The following ZNF655 variants were observed in gnomAD, a reference collection of about 807,000 sequenced individuals.
The protein encoded by ZNF655 is zinc finger protein 655, also known as Vav-interacting Kruppel-like protein 1.
ZNF655 carries 3 observed loss-of-function variants against 6.6 expected under a neutral mutation model. The ratio of observed to expected loss-of-function variants is 0.46; its 90% CI spans 0.21 to 1.18. ZNF655 has a LOEUF of 1.18. ZNF655 is among the 50% of genes most tolerant of loss of function. ZNF655 has a pLI of 0.24. For synonymous variants in ZNF655, 178 were observed against 195.0 expected (o/e 0.91, Z 0.73); for missense variants, 526 against 572.3 (o/e 0.92, Z 0.83).
chr7:99,563,211 C>T, intron 2 of ZNF655: 1 of 453,576 alleles, frequency 2.2e-6, no homozygotes, highest in Non-Finnish European at 4.4e-6. Context: ...CTGGGATTAG[C>T]CAAGCTGTAG....
chr7:99,572,017 G>GT (rs1441418841), intron 2 of ZNF655, among the ~76,000 whole-genome samples: 7 of 152,238 alleles, frequency 4.6e-5, no homozygotes, highest in African/African-American at 1.7e-4. Context: ...TCTTTCAGCT[G>GT]TTTCCCTATT....
chr7:99,570,096 A>G (rs975465704), intron 2 of ZNF655: 1 of 152,170 alleles, frequency 6.6e-6, no homozygotes, highest in African/African-American at 2.4e-5. Flanking sequence ...CCCTCATCCC[A>G]CATGAAGACC....
intron 2 of ZNF655, chr7:99,563,916 G>T: frequency 6.2e-7 from 1 of 1,613,450 alleles, no homozygotes; most frequent in African/African-American, 1.3e-5. Context: ...TTCCTGCCCG[G>T]CCCTGAGTCA....
chr7:99,562,027 G>A (rs1803223790), intron 2 of ZNF655: 1 of 1,437,450 alleles, frequency 7.0e-7, no homozygotes, highest in Non-Finnish European at 9.3e-7. Context: ...CTGATGGAGT[G>A]TGGCCTCTCT....
chr7:99,575,570 TACACACAC>T lies in ZNF655; in HGVS notation c.*2000_*2007del, dbSNP rs34577641. 6.7e-6 allele frequency: 1 copy of T among 149,382 alleles called. No homozygotes were observed. Among genetic ancestry groups the T allele is most frequent in the South Asian group, 2.1e-4 (1 of 4,696 alleles). 9.3% of individuals were successfully genotyped at this position (149,382 alleles called of 1,614,324 possible). A position where few individuals can be genotyped will look rare whatever the true frequency, so the allele number is the denominator to read the frequency against. On this transcript the variant is annotated 3_prime_UTR_variant, in exon 3 of 3. Coordinates refer to ENST00000252713, the MANE Select transcript of ZNF655 (RefSeq NM_138494.3). ...ACAAAAAAACAAAAACAAAAAACCATACACACACACACACACACACAAATCAGCATCAT... is the reference window on the plus strand; with the variant it reads ...ACAAAAAAACAAAAACAAAAAACCATACACACACACACAAATCAGCATCAT...
chr7:99,562,848 C>G (rs886198973), intron 2 of ZNF655, among the ~76,000 whole-genome samples: 1 of 152,158 alleles, frequency 6.6e-6, no homozygotes, highest in Non-Finnish European at 1.5e-5. Context: ...CAACCTCCAA[C>G]CAGACACTTT....
chr7:99,564,274 G>A (rs907461584), intron 2 of ZNF655: 3 of 1,331,820 alleles, frequency 2.3e-6, no homozygotes, highest in African/African-American at 1.5e-5. Flanking sequence ...TCCAAATTCA[G>A]CTCTTCAGTT....
Position 99,572,272 on chromosome 7 carries a change from T to G in ZNF655, c.164T>G (p.Leu55Arg). 10 of 1,608,564 alleles carry G rather than the reference T, an allele frequency of 6.2e-6. No individual in the cohort carries two copies. The highest frequency in any genetic ancestry group is 1.7e-4 in the Middle Eastern group (1 of 6,040). Reference protein sequence around the residue: ...GDGETREENKLLIPKQKISEE... With the variant: ...GDGETREENKRLIPKQKISEE... Reference sequence around the variant, plus strand: ...GGAGAGACCAGAGAAGAGAACAAGCTGTTGATTCCTAAGCAGAAAATTTCG... The same window carrying G: ...GGAGAGACCAGAGAAGAGAACAAGCGGTTGATTCCTAAGCAGAAAATTTCG... The change falls in exon 3 of 3, where the codon CTG becomes CGG. Residue 55 changes from leucine to arginine, a missense_variant. Coordinates refer to ENST00000252713, the MANE Select transcript of ZNF655 (RefSeq NM_138494.3).
intron 2 of ZNF655, among the ~76,000 whole-genome samples, chr7:99,569,259 T>C (rs1191749827): frequency 1.3e-5 from 2 of 152,220 alleles, no homozygotes; most frequent in African/African-American, 4.8e-5. Context: ...AAAGTTTTAA[T>C]ACATTAATTT....
chr7:99,563,391 T>G (rs1041869829), intron 2 of ZNF655: 3 of 168,902 alleles, frequency 1.8e-5, no homozygotes, highest in Non-Finnish European at 3.7e-5. Flanking sequence ...CAATCTCAAC[T>G]CACTACAACC....
At chr7:99,571,928 AG>A in intron 2 of ZNF655, 1 of 616,822 alleles carries the variant, frequency 1.6e-6, no homozygotes, top group East Asian at 2.8e-5. Flanking sequence ...TTTTCCCTTC[AG>A]TTAGGTTGAC....
rs1804142823 is a variant in ZNF655, at chr7:99,572,227, A to G, written c.137-18A>G. On this transcript the variant is annotated intron_variant, in intron 2 of 2. Transcript: ENST00000252713. ...GGTACAGATTACATTTGCATTTTCT[A>G]TTTATATATTGTATCAGATGGAGAG... 6.4e-7 allele frequency: 1 copy of G among 1,554,598 alleles called. No individual in the cohort carries two copies. Among genetic ancestry groups the G allele is most frequent in the Non-Finnish European group, 8.6e-7 (1 of 1,156,874 alleles).
In ZNF655 at chr7:99,572,971, C is replaced by T; in HGVS notation, c.863C>T (p.Ser288Leu). The T allele has an allele frequency of 1.2e-6, 2 of 1,614,146 alleles. No individual in the cohort carries two copies. The highest frequency in any genetic ancestry group is 1.7e-6 in the Non-Finnish European group (2 of 1,179,996). ...TCTGATAAATCCTGTAGTCCAAGCT[C>T]AGGCATAATTCAGCATAAGAAAATT... ...EASDKSCSPS[S>L]GIIQHKKIHT... Residue 288 changes from serine to leucine, a missense_variant, in exon 3 of 3, where the codon TCA becomes TTA. By Grantham distance (145) the Ser-to-Leu change is moderately radical. Coordinates refer to ENST00000252713, the MANE Select transcript of ZNF655 (RefSeq NM_138494.3).
intron 1 of ZNF655, among the ~76,000 whole-genome samples, chr7:99,560,134 G>A (rs1802999642): frequency 6.7e-6 from 1 of 150,012 alleles, no homozygotes. Context: ...GCCCAGGTTG[G>A]AGTGCAGTGG....
In ZNF655 at chr7:99,573,395, G is replaced by A. The variant is rs780978198; in HGVS notation, c.1287G>A (p.Met429Ile). The A allele has an allele frequency of 6.9e-5, 112 of 1,614,142 alleles. No individual in the cohort carries two copies. The East Asian group carries it at 2.4e-3, about 34-fold the overall frequency. ...CATGCCTTATTCAGCATCACAAAAT[G>A]CATAGGAAAGAGAAATCGTATGAAT... is the stretch of plus-strand genomic sequence containing the variant. ...QTSCLIQHHK[M>I]HRKEKSYECN... Residue 429 changes from methionine to isoleucine, a missense_variant, in exon 3 of 3, where the codon ATG becomes ATA. Transcript: ENST00000252713.
intron 2 of ZNF655, chr7:99,563,151 A>G (rs752514396): frequency 5.5e-5 from 25 of 453,286 alleles, no homozygotes; most frequent in Non-Finnish European, 1.0e-4. Context: ...GGTGGGGTCA[A>G]TGCTTAACTC....
chr7:99,567,339 G>A (rs1803705986), intron 2 of ZNF655, among the ~76,000 whole-genome samples: 2 of 151,986 alleles, frequency 1.3e-5, no homozygotes, highest in Non-Finnish European at 1.5e-5. Flanking sequence ...TTCGAGACCA[G>A]CCTGACCAAC....
At chr7:99,571,145 A>G (rs1035937991) in intron 2 of ZNF655, 32 of 941,058 alleles carry the variant, frequency 3.4e-5, no homozygotes, top group Non-Finnish European at 4.6e-5. Context: ...TACACTCCTA[A>G]TGGGTAAGAA....
intron 1 of ZNF655, among the ~76,000 whole-genome samples, chr7:99,559,360 AT>A (rs10706589): frequency 0.31 from 47,589 of 151,432 alleles, 10,724 homozygotes; most frequent in African/African-American, 0.64. Flanking sequence ...TTACCAAGAC[AT>A]TTCCTAGGGG....
Sources: allele counts gnomAD v4.1 joint callset (sites outside exome capture counted in the v4.1 genomes callset), GRCh38; gene constraint gnomAD v4.1.1; transcripts MANE v1.5; gene names NCBI Gene and HGNC (gene_info 2026-07-23, HGNC 2026-07-21).